The following CCDC171 variants were observed in gnomAD, a reference collection of about 807,000 sequenced individuals.
CCDC171 encodes coiled-coil domain containing 171, also known as coiled-coil domain-containing protein 171.
A neutral mutation model predicts 168.2 loss-of-function variants in CCDC171; 177 were observed. That is an observed-to-expected ratio of 1.05 (90% confidence interval 0.93 to 1.19). CCDC171 has a LOEUF of 1.19. CCDC171 is among the 50% of genes most tolerant of loss of function. The pLI is 0.00. For missense variants in CCDC171, 1,991 were observed against 1,539.0 expected (o/e 1.29, Z -4.91); for synonymous variants, 687 against 540.8 (o/e 1.27, Z -3.75).
At chr9:15,905,067 A>G (rs1198800531) in intron 24 of CCDC171, among the ~76,000 whole-genome samples, 2 of 152,198 alleles carry the variant, frequency 1.3e-5, no homozygotes, top group African/African-American at 4.8e-5. Context: ...CCACACAATA[A>G]TAATGGGAGA....
rs138059859 is a variant in CCDC171 at position 15,600,101 on chromosome 9, G to A, written c.675+5929G>A. 8.5e-5 allele frequency among the ~76,000 whole-genome samples: 13 copies of A among 152,142 alleles called. No homozygotes were observed. In the East Asian group the frequency reaches 1.9e-3, roughly 23 times the overall value. On this transcript the variant is annotated intron_variant, in intron 6 of 25. Coordinates refer to ENST00000380701, the MANE Select transcript of CCDC171 (RefSeq NM_173550.4). The stretch of plus-strand genomic sequence containing the variant: ...GGGTTCGAACTTCCTCCTTTAGCTC[G>A]GAGTAGTTTGATTGTCTGAAGCCTT...
intron 25 of CCDC171, among the ~76,000 whole-genome samples, chr9:15,961,964 TG>T (rs1830385104): frequency 6.6e-6 from 1 of 152,184 alleles, no homozygotes; most frequent in African/African-American, 2.4e-5. Flanking sequence ...CACCTGTTTT[TG>T]TATGGCCTGT....
chr9:15,720,900 C>A (rs1352751323), intron 11 of CCDC171, among the ~76,000 whole-genome samples: 1 of 152,160 alleles, frequency 6.6e-6, no homozygotes, highest in African/African-American at 2.4e-5. Flanking sequence ...CAAGTGTTCT[C>A]ATTGTTCAAT....
At chr9:15,684,661 A>G (rs1401126066) in intron 10 of CCDC171, among the ~76,000 whole-genome samples, 1 of 152,214 alleles carries the variant, frequency 6.6e-6, no homozygotes, top group Non-Finnish European at 1.5e-5. Flanking sequence ...TGAAACAAAC[A>G]AAAAAGAATG....
At chr9:15,726,376 C>A (rs2053802139) in intron 14 of CCDC171, among the ~76,000 whole-genome samples, 1 of 152,140 alleles carries the variant, frequency 6.6e-6, no homozygotes, top group Non-Finnish European at 1.5e-5. Context: ...AATAGCGACA[C>A]AATGAATTAT....
At chr9:15,990,509 T>C (rs1272981138) in intron 3 of CCDC171, among the ~76,000 whole-genome samples, 2 of 152,160 alleles carry the variant, frequency 1.3e-5, no homozygotes, top group African/African-American at 4.8e-5. Context: ...AGGAAGAAAC[T>C]GCAACAACTA....
the CCDC171 span, among the ~76,000 whole-genome samples, chr9:16,074,072 G>A: frequency 6.6e-6 from 1 of 152,112 alleles, no homozygotes; most frequent in Non-Finnish European, 1.5e-5. Flanking sequence ...CACTGGGCTG[G>A]AGGAGAGGAT....
intron 16 of CCDC171, among the ~76,000 whole-genome samples, chr9:15,733,161 G>C (rs746797120): frequency 5.9e-5 from 9 of 152,048 alleles, no homozygotes; most frequent in Non-Finnish European, 1.3e-4. Context: ...TAATTGGATT[G>C]TGTGTTTTCT....
chr9:16,074,563 G>T, the CCDC171 span, among the ~76,000 whole-genome samples: 2 of 152,164 alleles, frequency 1.3e-5, no homozygotes, highest in African/African-American at 4.8e-5. Flanking sequence ...GGGAGATAGA[G>T]AATTAAATAG....
chr9:15,675,720 T>C (rs1255914896), intron 9 of CCDC171, among the ~76,000 whole-genome samples: 1 of 152,224 alleles, frequency 6.6e-6, no homozygotes, highest in African/African-American at 2.4e-5. Flanking sequence ...TTCTGGCTTG[T>C]AGGGTTTCTG....
intron 3 of CCDC171, among the ~76,000 whole-genome samples, chr9:16,015,255 C>T (rs755645800): frequency 2.0e-5 from 3 of 152,146 alleles, no homozygotes; most frequent in Non-Finnish European, 4.4e-5. Context: ...CTTCTTAAAC[C>T]TCATGAACCA....
chr9:15,942,101 G>A (rs1187049511), intron 25 of CCDC171, among the ~76,000 whole-genome samples: 2 of 151,634 alleles, frequency 1.3e-5, no homozygotes, highest in Admixed American at 1.3e-4. Context: ...ACATCCTCTT[G>A]TATAATTATA....
intron 16 of CCDC171, among the ~76,000 whole-genome samples, chr9:15,734,366 G>A (rs1260008264): frequency 1.3e-5 from 2 of 151,908 alleles, no homozygotes; most frequent in African/African-American, 4.8e-5. Context: ...GAGAAACCCC[G>A]TTTCTACTAA....
chr9:15,882,310 G>C (rs558925017), intron 24 of CCDC171, among the ~76,000 whole-genome samples: 12 of 152,240 alleles, frequency 7.9e-5, no homozygotes, highest in African/African-American at 2.6e-4. Flanking sequence ...CTATTGAGTT[G>C]TTTGAGCTCC....
At chr9:15,878,807 C>T (rs115274286) in intron 24 of CCDC171, among the ~76,000 whole-genome samples, 3 of 151,980 alleles carry the variant, frequency 2.0e-5, no homozygotes, top group Admixed American at 1.3e-4. Flanking sequence ...ATAAAAAGAA[C>T]GAGATCATGT....
chr9:15,644,860 T>G (rs1272394670), intron 7 of CCDC171, among the ~76,000 whole-genome samples: 2 of 152,182 alleles, frequency 1.3e-5, no homozygotes, highest in Non-Finnish European at 1.5e-5. Context: ...TCTGCAGACT[T>G]AAATGTCCCT....
Position 15,868,670 on chromosome 9 carries a change from A to C in CCDC171, c.3469-5862A>C, listed in dbSNP as rs547490684. ...ATAGATATAAAGAAAAAAGATAGGG[A>C]AATGGAAGTACCAAAATCTTAAGTA... is the stretch of plus-strand genomic sequence containing the variant. On this transcript the variant is annotated intron_variant, in intron 23 of 25. Transcript: ENST00000380701. Among the ~76,000 whole-genome samples the C allele has an allele frequency of 5.7e-4, 86 of 152,082 alleles. 2 individuals are homozygous for C. The South Asian group carries it at 0.017, about 31-fold the overall frequency.
chr9:16,031,109 T>G (rs1296900838), intron 6 of CCDC171, among the ~76,000 whole-genome samples: 1 of 152,188 alleles, frequency 6.6e-6, no homozygotes, highest in East Asian at 1.9e-4. Flanking sequence ...CCACTTTCTC[T>G]TCTTTCTTGA....
chr9:15,579,291 T>A (rs919725451), intron 4 of CCDC171, among the ~76,000 whole-genome samples: 2 of 152,242 alleles, frequency 1.3e-5, no homozygotes, highest in African/African-American at 4.8e-5. Context: ...GAAGCACTTC[T>A]TCCATGAATA....
Sources: allele counts gnomAD v4.1 joint callset (sites outside exome capture counted in the v4.1 genomes callset), GRCh38; gene constraint gnomAD v4.1.1; transcripts MANE v1.5; gene names NCBI Gene and HGNC (gene_info 2026-07-23, HGNC 2026-07-21).